Variants in ANGPT2 observed in about 807,000 individuals in gnomAD.
The protein encoded by ANGPT2 is angiopoietin 2.
In ANGPT2, 28 loss-of-function variants were observed where a neutral mutation model predicts 62.9. The ratio of observed to expected loss-of-function variants is 0.44; its 90% CI spans 0.33 to 0.61. The LOEUF (loss-of-function observed/expected upper bound fraction) is 0.61. Among genes scored for constraint, ANGPT2 ranks in the 20% least tolerant of loss-of-function variants. The pLI is 0.03. For missense variants in ANGPT2, 727 were observed against 594.9 expected (o/e 1.22, Z -2.31); for synonymous variants, 284 against 207.8 (o/e 1.37, Z -3.15).
chr8:6,554,220 A>G (rs1046562041), intron 1 of ANGPT2, among the ~76,000 whole-genome samples: 2 of 151,176 alleles, frequency 1.3e-5, no homozygotes, highest in Admixed American at 6.6e-5. Context: ...TTAACATGGG[A>G]GTAAGTGTGA....
In ANGPT2 at chr8:6,503,041, T is replaced by A. The variant is rs1272418616; in HGVS notation, c.*60A>T. ...CACAGTGCGCAGCCGTGACTTTCAG[T>A]GCACTGGGCTTAAGTCTTTGAAAAT... On this transcript the variant is annotated 3_prime_UTR_variant, in exon 9 of 9. Transcript: ENST00000629816. 1 of 1,595,696 alleles carries A rather than the reference T, an allele frequency of 6.3e-7. No homozygotes were observed. Among genetic ancestry groups the A allele is most frequent in the Non-Finnish European group, 8.6e-7 (1 of 1,168,478 alleles).
chr8:6,500,053 C>T lies in ANGPT2; in HGVS notation c.*3048G>A, dbSNP rs1811847780. On this transcript the variant is annotated 3_prime_UTR_variant, in exon 9 of 9. Transcript: ENST00000629816. Reference sequence around the variant, plus strand: ...ACAATTATGCCCATAATTAAAAAGACATTCACAGAACTTAACACCTTTTAT... The same window carrying T: ...ACAATTATGCCCATAATTAAAAAGATATTCACAGAACTTAACACCTTTTAT... 2.5e-6 allele frequency: 2 copies of T among 804,492 alleles called. No homozygotes were observed. Among genetic ancestry groups the T allele is most frequent in the Admixed American group, 1.9e-5 (1 of 51,806 alleles). The allele number at this position is 804,492 out of a possible 1,614,324, so 49.8% of individuals were successfully genotyped here.
In ANGPT2 at chr8:6,501,500, T is replaced by G. The variant is rs760451676; in HGVS notation, c.*1601A>C. 6.6e-6 allele frequency: 1 copy of G among 152,024 alleles called. No individual in the cohort carries two copies. The highest frequency in any genetic ancestry group is 1.5e-5 in the Non-Finnish European group (1 of 67,992). 9.4% of individuals were successfully genotyped at this position (152,024 alleles called of 1,614,324 possible). A position where few individuals can be genotyped will look rare whatever the true frequency, so the allele number is the denominator to read the frequency against. On this transcript the variant is annotated 3_prime_UTR_variant, in exon 9 of 9. Transcript: ENST00000629816. ...AAAAGGAGTTAAAACTCCAGGAGTTTATGGTTTTGTAGTCCCGAGTATAAA... is the reference window on the plus strand; with the variant it reads ...AAAAGGAGTTAAAACTCCAGGAGTTGATGGTTTTGTAGTCCCGAGTATAAA...
chr8:6,520,055 C>T (rs1817022013), intron 4 of ANGPT2, 64 bp from the exon 5 acceptor site: 5 of 1,574,432 alleles, frequency 3.2e-6, no homozygotes, highest in East Asian at 2.3e-5. Flanking sequence ...CTTGTTATTT[C>T]AAGAGCCAAT....
intron 8 of ANGPT2, among the ~76,000 whole-genome samples, chr8:6,503,677 C>A (rs1033705053): frequency 3.6e-4 from 55 of 152,184 alleles, no homozygotes; most frequent in Admixed American, 2.5e-3. Context: ...TCCCCTTGCT[C>A]TATTAAATGA....
intron 1 of ANGPT2, among the ~76,000 whole-genome samples, chr8:6,533,562 T>G (rs1488801042): frequency 6.9e-6 from 1 of 144,092 alleles, no homozygotes; most frequent in Non-Finnish European, 1.5e-5. Context: ...TACTTAGCGT[T>G]TAGTTTCTTT....
chr8:6,508,835 CGTT>C, intron 8 of ANGPT2, 94 bp downstream of exon 8: 1 of 1,525,952 alleles, frequency 6.6e-7, no homozygotes, highest in Non-Finnish European at 9.1e-7. Context: ...TTGTGGACAT[CGTT>C]ACAAATCACA....
chr8:6,550,614 G>A (rs1199188323), intron 1 of ANGPT2, among the ~76,000 whole-genome samples: 1 of 152,234 alleles, frequency 6.6e-6, no homozygotes, highest in Admixed American at 6.5e-5. Flanking sequence ...GGCGGGCGTT[G>A]GTGGTGAAGT....
chr8:6,523,599 T>C (rs1817763588), intron 3 of ANGPT2, among the ~76,000 whole-genome samples: 1 of 152,156 alleles, frequency 6.6e-6, no homozygotes, highest in Admixed American at 6.5e-5. Context: ...TTTTTTGTTT[T>C]GAGATGGAGT....
At chr8:6,523,604 T>TGGAGTCTC (rs1408129546) in intron 3 of ANGPT2, among the ~76,000 whole-genome samples, 3 of 152,190 alleles carry the variant, frequency 2.0e-5, no homozygotes, top group Non-Finnish European at 4.4e-5. Flanking sequence ...TGTTTTGAGA[T>TGGAGTCTC]GGAGTCTCGG....
chr8:6,541,075 C>A (rs913259927), intron 1 of ANGPT2, among the ~76,000 whole-genome samples: 1 of 152,216 alleles, frequency 6.6e-6, no homozygotes, highest in African/African-American at 2.4e-5. Flanking sequence ...TTGGAGCCAA[C>A]GTCCCTAGGC....
intron 1 of ANGPT2, among the ~76,000 whole-genome samples, chr8:6,533,037 G>A (rs906648699): frequency 6.6e-6 from 1 of 152,236 alleles, no homozygotes; most frequent in African/African-American, 2.4e-5. Context: ...TCCACATTCT[G>A]TGGGGTCTTC....
intron 7 of ANGPT2, 34 bp downstream of exon 7, chr8:6,513,644 A>C (rs1199249450): frequency 6.3e-7 from 1 of 1,582,218 alleles, no homozygotes; most frequent in East Asian, 2.3e-5. Context: ...CAAATCTTTT[A>C]ATTTTTTCTT....
chr8:6,518,632 G>C (rs2916672), intron 5 of ANGPT2, among the ~76,000 whole-genome samples: 1 of 152,028 alleles, frequency 6.6e-6, no homozygotes, highest in Non-Finnish European at 1.5e-5. Context: ...CTTTGATACT[G>C]TTTTAAATAC....
At chr8:6,544,335 G>A (rs1015576863) in intron 1 of ANGPT2, among the ~76,000 whole-genome samples, 11 of 152,142 alleles carry the variant, frequency 7.2e-5, no homozygotes, top group African/African-American at 1.7e-4. Flanking sequence ...ACTGTGTTCC[G>A]TGATGATTAT....
intron 3 of ANGPT2, among the ~76,000 whole-genome samples, chr8:6,523,128 G>A (rs1817676982): frequency 6.6e-6 from 1 of 151,980 alleles, no homozygotes; most frequent in Non-Finnish European, 1.5e-5. Context: ...CTCCCGAGTA[G>A]CTGGGACTAC....
intron 5 of ANGPT2, among the ~76,000 whole-genome samples, chr8:6,517,295 C>A (rs1016140131): frequency 2.6e-5 from 4 of 152,138 alleles, no homozygotes; most frequent in African/African-American, 9.7e-5. Flanking sequence ...TGATGTTTTT[C>A]AGCAAATAAT....
At position 6,504,273 on chromosome 8, in the gene ANGPT2, G is replaced by A. The variant is rs947199858; in HGVS notation, c.1328-1012C>T. Among the ~76,000 whole-genome samples the A allele has an allele frequency of 1.4e-4, 20 of 141,268 alleles. No homozygotes were observed. The South Asian group carries it at 1.6e-3, about 11-fold the overall frequency. The allele number at this position is 141,268 out of a possible 152,430, so 92.7% of individuals were successfully genotyped here. A position where few individuals can be genotyped will look rare whatever the true frequency, so the allele number is the denominator to read the frequency against. On this transcript the variant is annotated intron_variant, in intron 8 of 8. Transcript: ENST00000629816. Reference sequence around the variant, plus strand: ...GCGGAGCTTGCAGTGAGCCGAGATCGCGCCACTGCACTCCAGCCTGGGCGA... The same window carrying A: ...GCGGAGCTTGCAGTGAGCCGAGATCACGCCACTGCACTCCAGCCTGGGCGA...
chr8:6,541,687 A>G (rs1370525914), intron 1 of ANGPT2, among the ~76,000 whole-genome samples: 1 of 152,160 alleles, frequency 6.6e-6, no homozygotes, highest in Non-Finnish European at 1.5e-5. Context: ...AGAAAATATA[A>G]AACTATTTTC....
Sources: allele counts gnomAD v4.1 joint callset (sites outside exome capture counted in the v4.1 genomes callset), GRCh38; gene constraint gnomAD v4.1.1; transcripts MANE v1.5; gene names NCBI Gene and HGNC (gene_info 2026-07-23, HGNC 2026-07-21).